Variants in ACOT9 observed in about 807,000 individuals in gnomAD.
ACOT9 encodes the protein acyl-CoA thioesterase 9, also known as acyl-coenzyme A thioesterase 9, mitochondrial.
Under a neutral mutation model 39.7 loss-of-function variants are expected in ACOT9, and 34 were observed. The observed-to-expected ratio is 0.86, with a 90% CI of 0.65 to 1.14. The LOEUF is 1.14. ACOT9 is among the 50% of genes most tolerant of loss of function. ACOT9 has a pLI of 0.00. For missense variants in ACOT9, 313 were observed against 344.1 expected, an observed-to-expected ratio of 0.91 and a Z score of 0.71; for synonymous variants, 110 against 120.5, an observed-to-expected ratio of 0.91 and a Z score of 0.57.
chrX:23,724,745 C>A (rs769238003), intron 6 of ACOT9, among the ~76,000 whole-genome samples: 1 of 109,531 alleles, frequency 9.1e-6, no homozygotes, highest in African/African-American at 3.3e-5. Flanking sequence ...GGACTCCACC[C>A]TGGGTGACAG....
intron 9 of ACOT9, among the ~76,000 whole-genome samples, chrX:23,708,790 G>C (rs1166959051): frequency 9.0e-6 from 1 of 111,281 alleles, no homozygotes; most frequent in Non-Finnish European, 1.9e-5. Flanking sequence ...ATATAATAAA[G>C]GCATTGAGGT....
At chrX:23,723,501 G>A (rs1929392683) in intron 6 of ACOT9, among the ~76,000 whole-genome samples, 1 of 106,086 alleles carries the variant, frequency 9.4e-6, no homozygotes, top group Non-Finnish European at 1.9e-5. Flanking sequence ...TACTCAGGAG[G>A]CTGAGGCAGG....
intron 8 of ACOT9, among the ~76,000 whole-genome samples, chrX:23,719,941 A>G (rs1282678945): frequency 1.8e-5 from 2 of 110,003 alleles, no homozygotes; most frequent in Non-Finnish European, 3.8e-5. Flanking sequence ...GGTTCACGCC[A>G]TTCTCCTGCC....
chrX:23,735,528 T>C (rs1161500296), intron 2 of ACOT9, among the ~76,000 whole-genome samples: 1 of 111,734 alleles, frequency 8.9e-6, no homozygotes, highest in African/African-American at 3.2e-5. Context: ...ACGTATCATA[T>C]TGGTAATTGA....
At position 23,703,480 on chromosome X, in the gene ACOT9, G is replaced by A. The variant is rs1348099853; in HGVS notation, c.*414C>T. The A allele has an allele frequency of 3.5e-5, 4 of 114,352 alleles. No homozygotes were observed. Among genetic ancestry groups the A allele is most frequent in the East Asian group, 5.5e-4 (2 of 3,631 alleles). 9.4% of individuals were successfully genotyped at this position (114,352 alleles called of 1,213,427 possible). ...TGGGACTACAGGCACATGCCACCACGGCTAATTTTCTGTATTTTTAGTAGA... is the reference window on the plus strand; with the variant it reads ...TGGGACTACAGGCACATGCCACCACAGCTAATTTTCTGTATTTTTAGTAGA... On this transcript the variant is annotated 3_prime_UTR_variant, in exon 16 of 16. Transcript: ENST00000379303.
Position 23,704,688 on chromosome X carries a change from A to G in ACOT9, c.1258+6T>C, listed in dbSNP as rs1375661512. ...TTGTTAGGGACAAGCAATAATCACT[A>G]CTTACCTCCATATGTTTTTGGGAAA... On this transcript the variant is annotated splice_donor_region_variant and intron_variant, in intron 15 of 15. Coordinates refer to ENST00000379303, the MANE Select transcript of ACOT9 (RefSeq NM_001037171.2). The G allele has an allele frequency of 2.5e-6, 3 of 1,208,425 alleles. No homozygotes were observed. Among genetic ancestry groups the G allele is most frequent in the Non-Finnish European group, 3.4e-6 (3 of 893,999 alleles).
In ACOT9 at chrX:23,743,255, G is replaced by A; in HGVS notation, c.-111C>T. ...AGTACCAGACCGCGCCCTTGCTGAG[G>A]ACAGCCCGGGAGCCGGACAGCGGTG... On this transcript the variant is annotated 5_prime_UTR_variant, in exon 1 of 16. Coordinates refer to ENST00000379303, the MANE Select transcript of ACOT9 (RefSeq NM_001037171.2). The A allele has an allele frequency of 1.0e-6, 1 of 969,839 alleles. No homozygotes were observed. Among genetic ancestry groups the A allele is most frequent in the East Asian group, 3.9e-5 (1 of 25,375 alleles). 79.9% of individuals were successfully genotyped at this position (969,839 alleles called of 1,213,427 possible).
intron 11 of ACOT9, 146 bp downstream of exon 11, chrX:23,706,482 C>T (rs182327245): frequency 7.6e-4 from 321 of 424,864 alleles, no homozygotes; most frequent in African/African-American, 6.8e-3. Flanking sequence ...CACTTGAACC[C>T]GGGAGGCAGA....
At position 23,704,715 on chromosome X, in the gene ACOT9, C is replaced by T; in HGVS notation, c.1237G>A (p.Val413Ile). 8.3e-7 allele frequency: 1 copy of T among 1,211,502 alleles called. No individual in the cohort carries two copies. Among genetic ancestry groups the T allele is most frequent in the Non-Finnish European group, 1.1e-6 (1 of 895,278 alleles). The part of the protein sequence containing the change: ...TFMSEKEVPL[V>I]FPKTYGESML... ...TTACCTCCATATGTTTTTGGGAAAA[C>T]CAATGGCACTTCTTTTTCCGACATG... The change falls in exon 15 of 16, where the codon GTT (valine) becomes ATT (isoleucine). Residue 413 changes from valine to isoleucine, a missense_variant. Physicochemically the swap from Val to Ile is conservative, Grantham distance 29 (BLOSUM62 3). Coordinates refer to ENST00000379303, the MANE Select transcript of ACOT9 (RefSeq NM_001037171.2).
chrX:23,730,961 T>C lies in ACOT9; in HGVS notation c.217A>G (p.Arg73Gly). The C allele has an allele frequency of 1.7e-6, 2 of 1,210,257 alleles. No individual in the cohort carries two copies. Among genetic ancestry groups the C allele is most frequent in the Non-Finnish European group, 1.1e-6 (1 of 894,740 alleles). ...WRDHVKAMEE[R>G]KLLHSFLAKS... is the part of the protein sequence containing the mutation. Reference sequence around the variant, plus strand: ...GCCAAGAAACTATGAAGTAATTTCCTTTCTTCCATTGCCTTCACATGGTCT... The same window carrying C: ...GCCAAGAAACTATGAAGTAATTTCCCTTCTTCCATTGCCTTCACATGGTCT... The change falls in exon 5 of 16, where the codon AGG (arginine) becomes GGG (glycine). Residue 73 changes from arginine (R) to glycine (G), a missense_variant. Physicochemically the swap from Arg to Gly is moderately radical, Grantham distance 125. Coordinates refer to ENST00000379303, the MANE Select transcript of ACOT9 (RefSeq NM_001037171.2).
In ACOT9 at chrX:23,702,064, CTCTG is replaced by C. The variant is rs1189311300; in HGVS notation, c.*1826_*1829del. 9.4e-6 allele frequency among the ~76,000 whole-genome samples: 1 copy of C among 106,736 alleles called. No homozygotes were observed. Among genetic ancestry groups the C allele is most frequent in the Non-Finnish European group, 1.9e-5 (1 of 52,157 alleles). 92.7% of individuals were successfully genotyped at this position (106,736 alleles called of 115,157 possible). A position where few individuals can be genotyped will look rare whatever the true frequency, so the allele number is the denominator to read the frequency against. ...CTCCAGCTGGAGCGACAGAGTGAAACTCTGTCTCACACACACACACACACACAAA... is the reference window on the plus strand; with the variant it reads ...CTCCAGCTGGAGCGACAGAGTGAAACTCTCACACACACACACACACACAAA... On this transcript the variant is annotated 3_prime_UTR_variant, in exon 16 of 16. Coordinates refer to ENST00000379303, the MANE Select transcript of ACOT9 (RefSeq NM_001037171.2).
chrX:23,726,342 G>C (rs1232485166), intron 6 of ACOT9, among the ~76,000 whole-genome samples: 1 of 111,827 alleles, frequency 8.9e-6, no homozygotes, highest in Non-Finnish European at 1.9e-5. Context: ...GACTACAAAA[G>C]AGCAGCCAGA....
chrX:23,704,039 T>C (rs1340325854), intron 15 of ACOT9, 57 bp from the exon 16 acceptor site: 3 of 985,242 alleles, frequency 3.0e-6, no homozygotes, highest in Non-Finnish European at 2.9e-6. Flanking sequence ...AAAACCATCA[T>C]ATCATCATAC....
chrX:23,740,762 A>C (rs1024256330), intron 1 of ACOT9, among the ~76,000 whole-genome samples: 2 of 87,626 alleles, frequency 2.3e-5, no homozygotes, highest in Non-Finnish European at 4.4e-5. Flanking sequence ...ACACACACAC[A>C]CCGCACTGAG....
intron 4 of ACOT9, among the ~76,000 whole-genome samples, chrX:23,732,292 A>G (rs887409543): frequency 8.9e-6 from 1 of 112,822 alleles, no homozygotes; most frequent in African/African-American, 3.2e-5. Context: ...GATGAGTAAT[A>G]TACTAGCAAG....
At chrX:23,715,240 G>A (rs1929037249) in intron 8 of ACOT9, among the ~76,000 whole-genome samples, 1 of 111,605 alleles carries the variant, frequency 9.0e-6, no homozygotes, top group Admixed American at 9.6e-5. Flanking sequence ...GCTCATACCT[G>A]CACCTTTTTC....
intron 7 of ACOT9, 36 bp from the exon 8 acceptor site, chrX:23,722,020 C>G (rs1481049449): frequency 9.7e-7 from 1 of 1,026,818 alleles, no homozygotes; most frequent in Non-Finnish European, 1.3e-6. Flanking sequence ...CCAAGTCATA[C>G]CAAAAATTTT....
In ACOT9 at chrX:23,702,090, C is replaced by A. The variant is rs1025431437; in HGVS notation, c.*1804G>T. 1.0e-4 allele frequency among the ~76,000 whole-genome samples: 11 copies of A among 108,797 alleles called. No homozygotes were observed. The highest frequency in any genetic ancestry group is 3.0e-4 in the African/African-American group (9 of 29,947). The allele number at this position is 108,797 out of a possible 115,157, so 94.5% of individuals were successfully genotyped here. On this transcript the variant is annotated 3_prime_UTR_variant, in exon 16 of 16. Coordinates refer to ENST00000379303, the MANE Select transcript of ACOT9 (RefSeq NM_001037171.2). ...TCTGTCTCACACACACACACACACACAAAAATACTTTCCACCTAATTCTGA... is the reference window on the plus strand; with the variant it reads ...TCTGTCTCACACACACACACACACAAAAAAATACTTTCCACCTAATTCTGA...
intron 13 of ACOT9, 98 bp from the exon 14 acceptor site, chrX:23,705,178 G>C: frequency 5.2e-6 from 4 of 775,316 alleles, no homozygotes; most frequent in Non-Finnish European, 7.7e-6. Flanking sequence ...AAAAATGAAC[G>C]AAGAATAAAG....
Sources: gnomAD v4.1 joint callset for allele counts (sites outside exome capture counted in the v4.1 genomes callset) on GRCh38, gnomAD v4.1.1 for gene constraint, MANE v1.5 for transcripts, NCBI Gene and HGNC (gene_info 2026-07-23, HGNC 2026-07-21) for gene names.